The following PITPNM3 variants were observed in gnomAD, a reference collection of about 807,000 sequenced individuals.
PITPNM3 encodes the protein PITPNM family member 3.
In PITPNM3, 26 loss-of-function variants were observed where a neutral mutation model predicts 102.0. The observed-to-expected ratio is 0.25, with a 90% CI of 0.19 to 0.35. The LOEUF is 0.35. Among genes scored for constraint, PITPNM3 ranks in the 10% least tolerant of loss-of-function variants. The pLI, the probability that PITPNM3 is intolerant of heterozygous loss-of-function variation, is 1.00. For synonymous variants in PITPNM3, 578 were observed against 558.6 expected (o/e 1.03, Z -0.49); for missense variants, 1,083 against 1,346.1 (o/e 0.80, Z 3.06).
intron 3 of PITPNM3, among the ~76,000 whole-genome samples, chr17:6,516,009 T>G (rs1908150456): frequency 6.6e-6 from 1 of 152,116 alleles, no homozygotes; most frequent in Non-Finnish European, 1.5e-5. Flanking sequence ...AGCGAGACCC[T>G]GTCTCTACAA....
At chr17:6,530,395 C>T (rs1398624984) in intron 2 of PITPNM3, among the ~76,000 whole-genome samples, 1 of 152,196 alleles carries the variant, frequency 6.6e-6, no homozygotes, top group African/African-American at 2.4e-5. Context: ...CTCCCAATTG[C>T]TATGGGAAAC....
At chr17:6,550,973 T>C (rs557901321) in intron 1 of PITPNM3, among the ~76,000 whole-genome samples, 3 of 152,238 alleles carry the variant, frequency 2.0e-5, no homozygotes, top group African/African-American at 7.2e-5. Context: ...GCTGCTGGGA[T>C]AGGTGATTTC....
At chr17:6,475,297 G>C (rs1905252806) in intron 9 of PITPNM3, among the ~76,000 whole-genome samples, 1 of 152,168 alleles carries the variant, frequency 6.6e-6, no homozygotes, top group African/African-American at 2.4e-5. Context: ...GGTGCCCACT[G>C]TCCCGGGAAG....
intron 3 of PITPNM3, among the ~76,000 whole-genome samples, chr17:6,522,852 C>T (rs1009435210): frequency 3.3e-5 from 5 of 152,130 alleles, no homozygotes; most frequent in African/African-American, 4.8e-5. Flanking sequence ...TCTGATCTGT[C>T]GCTTCCACTC....
chr17:6,503,684 G>T, intron 3 of PITPNM3, 110 bp from the exon 4 acceptor site: 3 of 1,131,054 alleles, frequency 2.7e-6, no homozygotes, highest in Non-Finnish European at 3.9e-6. Context: ...TAGAGCTTGG[G>T]ATGGGCAGAA....
chr17:6,467,374 G>T (rs758938752), intron 14 of PITPNM3, among the ~76,000 whole-genome samples: 1 of 152,224 alleles, frequency 6.6e-6, no homozygotes, highest in African/African-American at 2.4e-5. Context: ...GTCAGCTAAA[G>T]GGTACAGAGC....
chr17:6,456,806 CA>C (rs1914137514), intron 19 of PITPNM3, among the ~76,000 whole-genome samples: 1 of 152,206 alleles, frequency 6.6e-6, no homozygotes, highest in Non-Finnish European at 1.5e-5. Context: ...ACCCAAGCCA[CA>C]GACCAAGTAG....
intron 4 of PITPNM3, among the ~76,000 whole-genome samples, chr17:6,496,214 G>A (rs532533007): frequency 4.6e-4 from 70 of 152,134 alleles, no homozygotes; most frequent in African/African-American, 1.3e-3. Context: ...TGAGCCTTCC[G>A]TTTCCTGCTA....
Position 6,458,035 on chromosome 17 carries a change from G to A in PITPNM3, c.2491-313C>T, listed in dbSNP as rs1242867423. 6.6e-6 allele frequency among the ~76,000 whole-genome samples: 1 copy of A among 152,154 alleles called. No homozygotes were observed. The highest frequency in any genetic ancestry group is 1.5e-5 in the Non-Finnish European group (1 of 68,024). ...GTTCCTTTGTGGATAAGGAAATTGA[G>A]TTCCAGGTTTCTGGCTCACAGGGCC... On this transcript the variant is annotated intron_variant, in intron 18 of 19. Transcript: ENST00000262483. This position sits in a 1 kb window ranked among gnomAD's most constrained non-coding sequence, Gnocchi z 5.1.
Position 6,506,274 on chromosome 17 carries a change from A to G in PITPNM3, c.227-2700T>C, listed in dbSNP as rs961740641. On this transcript the variant is annotated intron_variant, in intron 3 of 19. Coordinates refer to ENST00000262483, the MANE Select transcript of PITPNM3 (RefSeq NM_031220.4). Reference sequence around the variant, plus strand: ...AAAATGTTGCTAAAGGTACTAAAATATAACATTTTTCCTTTTCCCTGAGGA... The same window carrying G: ...AAAATGTTGCTAAAGGTACTAAAATGTAACATTTTTCCTTTTCCCTGAGGA... 3.9e-5 allele frequency among the ~76,000 whole-genome samples: 6 copies of G among 152,132 alleles called. No individual in the cohort carries two copies. The East Asian group carries it at 9.6e-4, about 24-fold the overall frequency.
intron 2 of PITPNM3, among the ~76,000 whole-genome samples, chr17:6,531,718 C>T (rs1909156118): frequency 1.3e-5 from 2 of 152,190 alleles, no homozygotes; most frequent in Non-Finnish European, 2.9e-5. Flanking sequence ...TCTAGTCTGC[C>T]CCCTCTCTCC....
intron 3 of PITPNM3, among the ~76,000 whole-genome samples, chr17:6,519,998 A>C (rs762058738): frequency 3.3e-5 from 5 of 152,236 alleles, no homozygotes; most frequent in Non-Finnish European, 5.9e-5. Flanking sequence ...ATATATATGA[A>C]GATCTCCTAA....
chr17:6,551,960 G>A lies in PITPNM3; in HGVS notation c.22+4425C>T, dbSNP rs139308271. ...AAACTCTGGAAACCCAGGCTCTGCC[G>A]TCACCTTCTTCTGTGACGTTGGCCA... On this transcript the variant is annotated intron_variant, in intron 1 of 19. Coordinates refer to ENST00000262483, the MANE Select transcript of PITPNM3 (RefSeq NM_031220.4). 2.3e-3 allele frequency among the ~76,000 whole-genome samples: 355 copies of A among 152,220 alleles called. 1 individual carries two copies. The highest frequency in any genetic ancestry group is 8.1e-3 in the African/African-American group (337 of 41,546).
chr17:6,554,470 C>G (rs983387067), intron 1 of PITPNM3, among the ~76,000 whole-genome samples: 7 of 152,074 alleles, frequency 4.6e-5, no homozygotes, highest in Non-Finnish European at 5.9e-5. Context: ...TCTACAGACA[C>G]GGGGAATCTG....
Position 6,459,434 on chromosome 17 carries a change from G to A in PITPNM3, c.2491-1712C>T, listed in dbSNP as rs1597359104. 6.6e-6 allele frequency among the ~76,000 whole-genome samples: 1 copy of A among 151,826 alleles called. No individual in the cohort carries two copies. The highest frequency in any genetic ancestry group is 1.9e-4 in the East Asian group (1 of 5,168). On this transcript the variant is annotated intron_variant, in intron 18 of 19. Coordinates refer to ENST00000262483, the MANE Select transcript of PITPNM3 (RefSeq NM_031220.4). The surrounding 1 kb of genome is among the most constrained non-coding windows in gnomAD (Gnocchi z 5.0). ...GTGCTGCTCTCAGTGGCCCAGCACA[G>A]CCTCTTCTAACGCCTCATCTCCCGT... is the stretch of plus-strand genomic sequence containing the variant.
At chr17:6,510,360 C>A (rs73978307) in intron 3 of PITPNM3, among the ~76,000 whole-genome samples, 5,623 of 152,284 alleles carry the variant, frequency 0.037, 340 homozygotes, top group African/African-American at 0.13. Flanking sequence ...GTACCTTTGT[C>A]CCTGCAGCTC....
rs890444650 is a variant in PITPNM3, at chr17:6,455,258, G to A, written c.*80C>T. ...GAAAAAGCAGGAAAACGCCTGTGTC[G>A]GGGAGAGGGCAGCCCCCTCCCGTCC... is the stretch of plus-strand genomic sequence containing the variant. On this transcript the variant is annotated 3_prime_UTR_variant, in exon 20 of 20. Transcript: ENST00000262483. 16 of 1,457,590 alleles carry A rather than the reference G, an allele frequency of 1.1e-5. No homozygotes were observed. The highest frequency in any genetic ancestry group is 2.2e-5 in the Admixed American group (1 of 45,016). 90.3% of individuals were successfully genotyped at this position (1,457,590 alleles called of 1,614,324 possible). A position where few individuals can be genotyped will look rare whatever the true frequency, so the allele number is the denominator to read the frequency against.
chr17:6,507,446 T>C (rs1907596034), intron 3 of PITPNM3, among the ~76,000 whole-genome samples: 1 of 151,816 alleles, frequency 6.6e-6, no homozygotes, highest in African/African-American at 2.4e-5. Context: ...TAGCTGGGCG[T>C]GGTGGCGCAT....
intron 3 of PITPNM3, among the ~76,000 whole-genome samples, chr17:6,504,013 G>GC (rs1327642652): frequency 6.6e-6 from 1 of 151,886 alleles, no homozygotes; most frequent in Non-Finnish European, 1.5e-5. Context: ...ATATCCCACT[G>GC]CCCCCCAGAC....
Sources: allele counts gnomAD v4.1 joint callset (sites outside exome capture counted in the v4.1 genomes callset), GRCh38; gene constraint gnomAD v4.1.1; non-coding constraint Gnocchi (gnomAD v3.1); transcripts MANE v1.5; gene names NCBI Gene and HGNC (gene_info 2026-07-23, HGNC 2026-07-21).